Variants in CRMP1 observed in about 807,000 individuals in gnomAD.
CRMP1 encodes the protein dihydropyrimidinase-related protein 1.
In CRMP1, 19 loss-of-function variants were observed where a neutral mutation model predicts 68.3. The ratio of observed to expected loss-of-function variants is 0.28; its 90% CI spans 0.19 to 0.41. The LOEUF (loss-of-function observed/expected upper bound fraction) is 0.41. Among genes scored for constraint, CRMP1 ranks in the 10% least tolerant of loss-of-function variants. CRMP1 has a pLI of 1.00. For missense variants in CRMP1, 791 were observed against 967.4 expected, an observed-to-expected ratio of 0.82 and a Z score of 2.42; for synonymous variants, 439 against 399.6, an observed-to-expected ratio of 1.10 and a Z score of -1.18.
In CRMP1 at chr4:5,839,634, C is replaced by G; in HGVS notation, c.1198G>C (p.Asp400His). 6.2e-7 allele frequency: 1 copy of G among 1,613,122 alleles called. No homozygotes were observed. The highest frequency in any genetic ancestry group is 8.5e-7 in the Non-Finnish European group (1 of 1,179,608). The change falls in exon 9 of 14, where the codon GAT becomes CAT. Residue 400 changes from aspartate to histidine, a missense_variant. Physicochemically the swap from Asp to His is moderately conservative, Grantham distance 81. Coordinates refer to ENST00000324989, the MANE Select transcript of CRMP1 (RefSeq NM_001014809.3). Reference protein sequence around the residue: ...GEPIAASLGTDGTHYWSKNWA... With the variant: ...GEPIAASLGTHGTHYWSKNWA... ...TTCTTGCTCCAGTAATGGGTGCCAT[C>G]GGTCCCCAGGCTGGCGGCAATGGGC...
At chr4:5,851,849 G>GGAGGAAGAGGAGCAGGAGGAGGAA in intron 4 of CRMP1, among the ~76,000 whole-genome samples, 1 of 149,716 alleles carries the variant, frequency 6.7e-6, no homozygotes, top group Middle Eastern at 3.4e-3. Flanking sequence ...GGGAGGAGGA[G>GGAGGAAGAGGAGCAGGAGGAGGAA]GAGGAAGAGG....
intron 4 of CRMP1, among the ~76,000 whole-genome samples, chr4:5,852,482 T>C (rs772829672): frequency 6.6e-6 from 1 of 152,222 alleles, no homozygotes; most frequent in East Asian, 1.9e-4. Context: ...CTCCCTTTCT[T>C]CCCTCCCTCC....
At position 5,825,867 on chromosome 4, in the gene CRMP1, A is replaced by G; in HGVS notation, c.1804-208T>C. 1.8e-6 allele frequency: 1 copy of G among 563,534 alleles called. No individual in the cohort carries two copies. Among genetic ancestry groups the G allele is most frequent in the Non-Finnish European group, 3.1e-6 (1 of 323,344 alleles). The allele number at this position is 563,534 out of a possible 1,614,324, so 34.9% of individuals were successfully genotyped here. On this transcript the variant is annotated intron_variant, in intron 12 of 13. Coordinates refer to ENST00000324989, the MANE Select transcript of CRMP1 (RefSeq NM_001014809.3). The surrounding 1 kb of genome is among the most constrained non-coding windows in gnomAD (Gnocchi z 4.4). ...TTCATACACACAAGCATGCATACAC[A>G]CACATCTACATACCCACATGCATAC...
intron 1 of CRMP1, among the ~76,000 whole-genome samples, chr4:5,876,397 G>A (rs1226350470): frequency 1.3e-5 from 2 of 152,224 alleles, no homozygotes; most frequent in Admixed American, 1.3e-4. Flanking sequence ...TCAACATAGG[G>A]TCTCAGAGGC....
intron 1 of CRMP1, among the ~76,000 whole-genome samples, chr4:5,885,709 C>G (rs1478272642): frequency 6.6e-6 from 1 of 152,132 alleles, no homozygotes; most frequent in Non-Finnish European, 1.5e-5. Context: ...CGTATGATAC[C>G]CTTAACACTT....
intron 1 of CRMP1, among the ~76,000 whole-genome samples, chr4:5,867,656 G>A (rs1041089816): frequency 5.9e-5 from 9 of 152,192 alleles, no homozygotes; most frequent in African/African-American, 1.7e-4. Flanking sequence ...CTGCTTTCAG[G>A]GGGTTGACAG....
intron 12 of CRMP1, among the ~76,000 whole-genome samples, chr4:5,827,554 A>G (rs1051897110): frequency 1.3e-5 from 2 of 152,206 alleles, no homozygotes; most frequent in Non-Finnish European, 2.9e-5. Context: ...TACAAAGAAC[A>G]GGACCACACA....
rs756971231 is a variant in CRMP1 at position 5,865,847 on chromosome 4, G to A, written c.470+821C>T. On this transcript the variant is annotated intron_variant, in intron 2 of 13. Transcript: ENST00000324989. The surrounding 1 kb of genome is among the most constrained non-coding windows in gnomAD (Gnocchi z 4.1). ...GACCTTAGAAGAAGAGACCCCAGGA[G>A]TGTGCACACACACACACAGAAAGGG... Among the ~76,000 whole-genome samples, 1 of 152,102 alleles carries A rather than the reference G, an allele frequency of 6.6e-6. No homozygotes were observed. Among genetic ancestry groups the A allele is most frequent in the Non-Finnish European group, 1.5e-5 (1 of 68,026 alleles).
At position 5,825,737 on chromosome 4, in the gene CRMP1, C is replaced by T. The variant is rs1015404440; in HGVS notation, c.1804-78G>A. On this transcript the variant is annotated intron_variant, in intron 12 of 13. Transcript: ENST00000324989. The surrounding 1 kb of genome is among the most constrained non-coding windows in gnomAD (Gnocchi z 4.4). ...TCTGGGCAGATAAAGCAGAGCCCTG[C>T]GGGCGAGAGAGAAACCTGAGGTCAC... The T allele has an allele frequency of 1.9e-5, 29 of 1,490,798 alleles. No individual in the cohort carries two copies. Among genetic ancestry groups the T allele is most frequent in the African/African-American group, 5.7e-5 (4 of 70,510 alleles). 92.3% of individuals were successfully genotyped at this position (1,490,798 alleles called of 1,614,324 possible).
intron 2 of CRMP1, among the ~76,000 whole-genome samples, chr4:5,863,167 C>T (rs144145410): frequency 1.3e-5 from 2 of 148,562 alleles, no homozygotes; most frequent in East Asian, 4.1e-4. Context: ...CCTGGTTGGC[C>T]AGAGTCCTAA....
rs59152465 is a variant in CRMP1 at position 5,891,212 on chromosome 4, A to ACACACACACACACACACC, written c.381+1376_381+1377insGGTGTGTGTGTGTGTGTG. On this transcript the variant is annotated intron_variant, in intron 1 of 13. Coordinates refer to ENST00000324989, the MANE Select transcript of CRMP1 (RefSeq NM_001014809.3). This position sits in a 1 kb window ranked among gnomAD's most constrained non-coding sequence, Gnocchi z 5.2. Reference sequence around the variant, plus strand: ...CACACACACACACACACACACACACACCCTTGCTGTTGGACCTCTCCCTCG... The same window carrying ACACACACACACACACACC: ...CACACACACACACACACACACACACACACACACACACACACACCCCCTTGCTGTTGGACCTCTCCCTCG... Among the ~76,000 whole-genome samples the ACACACACACACACACACC allele has an allele frequency of 4.1e-5, 6 of 147,234 alleles. No individual in the cohort carries two copies. Among genetic ancestry groups the ACACACACACACACACACC allele is most frequent in the South Asian group, 2.2e-4 (1 of 4,596 alleles).
chr4:5,836,177 C>T, intron 10 of CRMP1, 92 bp from the exon 11 acceptor site: 1 of 1,175,164 alleles, frequency 8.5e-7, no homozygotes, highest in Non-Finnish European at 1.1e-6. Flanking sequence ...CCAGCTGAGG[C>T]CTTGCAAGGC....
Position 5,825,079 on chromosome 4 carries a change from T to A in CRMP1, c.1969+415A>T, listed in dbSNP as rs1719330114. The A allele has an allele frequency of 1.0e-6, 1 of 985,322 alleles. No individual in the cohort carries two copies. Among genetic ancestry groups the A allele is most frequent in the African/African-American group, 1.7e-5 (1 of 57,244 alleles). 61.0% of individuals were successfully genotyped at this position (985,322 alleles called of 1,614,324 possible). A position where few individuals can be genotyped will look rare whatever the true frequency, so the allele number is the denominator to read the frequency against. On this transcript the variant is annotated intron_variant, in intron 13 of 13. Coordinates refer to ENST00000324989, the MANE Select transcript of CRMP1 (RefSeq NM_001014809.3). This position sits in a 1 kb window ranked among gnomAD's most constrained non-coding sequence, Gnocchi z 4.4. The stretch of plus-strand genomic sequence containing the variant: ...AATCATGGGTTATGAAAGTGCTTAG[T>A]ACACTGCAGTGGGTGAACAGGCTAA...
At chr4:5,836,465 C>T (rs77614875) in intron 10 of CRMP1, among the ~76,000 whole-genome samples, 1,621 of 152,312 alleles carry the variant, frequency 0.011, 18 homozygotes, top group African/African-American at 0.037. Context: ...TGCACATGCA[C>T]ACACACAGCG....
intron 11 of CRMP1, among the ~76,000 whole-genome samples, chr4:5,832,755 G>A (rs150729811): frequency 6.6e-6 from 1 of 152,298 alleles, no homozygotes; most frequent in Non-Finnish European, 1.5e-5. Flanking sequence ...TTACCCTGAA[G>A]ACAGTTACCT....
rs1712507905 is a variant in CRMP1 at position 5,850,055 on chromosome 4, C to A, written c.883-583G>T. 6.6e-6 allele frequency among the ~76,000 whole-genome samples: 1 copy of A among 152,336 alleles called. No individual in the cohort carries two copies. The highest frequency in any genetic ancestry group is 1.9e-4 in the East Asian group (1 of 5,178). On this transcript the variant is annotated intron_variant, in intron 5 of 13. Transcript: ENST00000324989. The surrounding 1 kb of genome is among the most constrained non-coding windows in gnomAD (Gnocchi z 4.4). ...TCAATTAGACAAAACAGGCCCTCCC[C>A]ACTGCCCAGTGTTCTCTTCCTACCT...
In CRMP1 at chr4:5,859,585, G is replaced by C. The variant is rs966428311; in HGVS notation, c.655+1441C>G. ...TTATAGATGAGGAAGCTGAGGCTCA[G>C]AGAGGCTGAGTGCTGGCCACAGTCA... is the stretch of plus-strand genomic sequence containing the variant. On this transcript the variant is annotated intron_variant, in intron 3 of 13. Transcript: ENST00000324989. This position sits in a 1 kb window ranked among gnomAD's most constrained non-coding sequence, Gnocchi z 5.2. Among the ~76,000 whole-genome samples the C allele has an allele frequency of 6.6e-6, 1 of 152,220 alleles. No homozygotes were observed. Among genetic ancestry groups the C allele is most frequent in the Non-Finnish European group, 1.5e-5 (1 of 68,042 alleles).
chr4:5,885,019 T>A (rs1427480393), intron 1 of CRMP1, among the ~76,000 whole-genome samples: 2 of 150,506 alleles, frequency 1.3e-5, no homozygotes, highest in Non-Finnish European at 1.5e-5. Flanking sequence ...GAAAGAGAGC[T>A]TTATAAATAT....
In CRMP1 at chr4:5,851,026, T is replaced by C. The variant is rs186764714; in HGVS notation, c.882+382A>G. Among the ~76,000 whole-genome samples, 265 of 152,360 alleles carry C rather than the reference T, an allele frequency of 1.7e-3. 1 individual carries two copies. Among genetic ancestry groups the C allele is most frequent in the African/African-American group, 6.0e-3 (248 of 41,586 alleles). On this transcript the variant is annotated intron_variant, in intron 5 of 13. Coordinates refer to ENST00000324989, the MANE Select transcript of CRMP1 (RefSeq NM_001014809.3). ...CTCTTCCTGTGTCAGAGCTCATAAA[T>C]GGTCCCCATCCTTGCCTGAATACCA...
Sources: allele counts gnomAD v4.1 joint callset (sites outside exome capture counted in the v4.1 genomes callset), GRCh38; gene constraint gnomAD v4.1.1; non-coding constraint Gnocchi (gnomAD v3.1); transcripts MANE v1.5; gene names NCBI Gene and HGNC (gene_info 2026-07-23, HGNC 2026-07-21).